Variants in SNX25 observed in about 807,000 individuals in gnomAD.
SNX25 encodes sorting nexin 25.
In SNX25, 62 loss-of-function variants were observed where a neutral mutation model predicts 113.7. The ratio of observed to expected loss-of-function variants is 0.55; its 90% confidence interval spans 0.44 to 0.67. SNX25 has a LOEUF of 0.67. Among genes scored for constraint, SNX25 ranks in the 30% least tolerant of loss-of-function variants. The pLI is 0.00. For missense variants in SNX25, 1,014 were observed against 1,161.0 expected (o/e 0.87, Z 1.84); for synonymous variants, 421 against 436.2 (o/e 0.97, Z 0.43).
chr4:185,218,356 A>G (rs752431243), intron 1 of SNX25, among the ~76,000 whole-genome samples: 6 of 152,242 alleles, frequency 3.9e-5, no homozygotes, highest in Non-Finnish European at 8.8e-5. Context: ...AAGTTCTGGG[A>G]TTACAGGCAT....
chr4:185,248,646 C>G (rs1262552489), intron 2 of SNX25, among the ~76,000 whole-genome samples: 2 of 152,074 alleles, frequency 1.3e-5, no homozygotes, highest in Admixed American at 6.5e-5. Context: ...CAATGAGACT[C>G]TGTCTCAAAA....
chr4:185,336,167 T>TA (rs150125191), intron 10 of SNX25, among the ~76,000 whole-genome samples: 1,911 of 152,344 alleles, frequency 0.013, 41 homozygotes, highest in African/African-American at 0.043. Flanking sequence ...TAGCTACTTC[T>TA]AAAAATTTAT....
intron 10 of SNX25, among the ~76,000 whole-genome samples, chr4:185,337,636 T>C (rs149845675): frequency 3.9e-5 from 6 of 152,332 alleles, no homozygotes; most frequent in Admixed American, 3.9e-4. Flanking sequence ...CTGGGTTCTA[T>C]GCTAATTCTG....
chr4:185,254,628 A>T (rs1173180280), intron 2 of SNX25, among the ~76,000 whole-genome samples: 1 of 152,162 alleles, frequency 6.6e-6, no homozygotes, highest in East Asian at 1.9e-4. Context: ...GAGCCTTTTA[A>T]CTTGTGTCCT....
chr4:185,329,487 C>G (rs1488799111), intron 9 of SNX25, among the ~76,000 whole-genome samples: 2 of 152,134 alleles, frequency 1.3e-5, no homozygotes, highest in African/African-American at 4.8e-5. Flanking sequence ...ACTGGGCATC[C>G]CCAAGATTTC....
chr4:185,289,098 A>T (rs1441538732), intron 6 of SNX25, among the ~76,000 whole-genome samples: 1 of 152,294 alleles, frequency 6.6e-6, no homozygotes, highest in African/African-American at 2.4e-5. Context: ...ATATAGGTAT[A>T]GATTATGAAG....
chr4:185,299,005 C>T (rs574801368), intron 6 of SNX25, among the ~76,000 whole-genome samples: 2 of 152,168 alleles, frequency 1.3e-5, no homozygotes, highest in Admixed American at 6.5e-5. Context: ...TCATGGTCAA[C>T]ACACATGCAA....
rs141518327 is a variant in SNX25, at chr4:185,321,808, T to C, written c.1476+944T>C. On this transcript the variant is annotated intron_variant, in intron 8 of 18. Transcript: ENST00000652585. ...AAAAAAACTGCATCTGTACTGAACA[T>C]GTACAGACCTTTTTCCTTGTCATTA... Among the ~76,000 whole-genome samples the C allele has an allele frequency of 5.4e-3, 824 of 152,276 alleles. 9 individuals are homozygous for C. The highest frequency in any genetic ancestry group is 0.018 in the African/African-American group (754 of 41,560).
At chr4:185,285,921 C>T (rs1281953148) in intron 5 of SNX25, among the ~76,000 whole-genome samples, 5 of 147,486 alleles carry the variant, frequency 3.4e-5, no homozygotes, top group Admixed American at 1.3e-4. Context: ...TACAGGTGTG[C>T]GCCACCATGC....
chr4:185,316,846 G>C (rs760001835), intron 7 of SNX25, among the ~76,000 whole-genome samples: 3 of 152,134 alleles, frequency 2.0e-5, no homozygotes, highest in Non-Finnish European at 2.9e-5. Flanking sequence ...TGTACAGTTA[G>C]GATTTTGTGC....
intron 16 of SNX25, among the ~76,000 whole-genome samples, chr4:185,359,496 G>C (rs1443478531): frequency 2.6e-5 from 4 of 151,972 alleles, no homozygotes; most frequent in Non-Finnish European, 4.4e-5. Context: ...CTTAGATAAA[G>C]AAATTCCCAA....
intron 7 of SNX25, among the ~76,000 whole-genome samples, chr4:185,315,640 C>G (rs1160161698): frequency 6.6e-6 from 1 of 152,130 alleles, no homozygotes; most frequent in Non-Finnish European, 1.5e-5. Context: ...TAATACCAAT[C>G]TTAACCATAC....
At chr4:185,266,648 C>T (rs1156796626) in intron 4 of SNX25, among the ~76,000 whole-genome samples, 1 of 152,132 alleles carries the variant, frequency 6.6e-6, no homozygotes, top group East Asian at 1.9e-4. Flanking sequence ...AGGTGTGAGC[C>T]ACCACGCCCG....
intron 7 of SNX25, 152 bp from the exon 8 acceptor site, chr4:185,320,581 A>G (rs1295547853): frequency 1.9e-6 from 1 of 515,056 alleles, no homozygotes; most frequent in East Asian, 3.4e-5. Context: ...TACTTAAATA[A>G]ATAAATAGTA....
At position 185,333,541 on chromosome 4, in the gene SNX25, A is replaced by G. The variant is rs562107221; in HGVS notation, c.1914+782A>G. Among the ~76,000 whole-genome samples, 11 of 152,340 alleles carry G rather than the reference A, an allele frequency of 7.2e-5. No homozygotes were observed. In the East Asian group the frequency reaches 2.1e-3, roughly 29 times the overall value. On this transcript the variant is annotated intron_variant, in intron 10 of 18. Transcript: ENST00000652585. The stretch of plus-strand genomic sequence containing the variant: ...TATTCCTGAAACAAGATGTAAGAAA[A>G]ACTGGTATCATGAGCCTATCAGCAA...
chr4:185,353,412 T>C, intron 14 of SNX25, 73 bp from the exon 15 acceptor site: 1 of 1,169,506 alleles, frequency 8.6e-7, no homozygotes, highest in Non-Finnish European at 1.3e-6. Context: ...AATTTACACT[T>C]GAAGAGGGAG....
chr4:185,337,840 A>C (rs919304931), intron 10 of SNX25, among the ~76,000 whole-genome samples: 1 of 152,140 alleles, frequency 6.6e-6, no homozygotes, highest in Non-Finnish European at 1.5e-5. Context: ...TTTCATAACC[A>C]TTAGGATAGT....
At chr4:185,327,712 C>A (rs759201596) in intron 9 of SNX25, among the ~76,000 whole-genome samples, 1 of 152,184 alleles carries the variant, frequency 6.6e-6, no homozygotes, top group Non-Finnish European at 1.5e-5. Flanking sequence ...TGTCTGTGGA[C>A]TAGACTGCCT....
At chr4:185,345,891 T>G (rs2095283595) in intron 12 of SNX25, among the ~76,000 whole-genome samples, 1 of 152,118 alleles carries the variant, frequency 6.6e-6, no homozygotes, top group Non-Finnish European at 1.5e-5. Flanking sequence ...TGGGTCTCAC[T>G]CTGTCTCCCA....
Sources: gnomAD v4.1 joint callset for allele counts (sites outside exome capture counted in the v4.1 genomes callset) on GRCh38, gnomAD v4.1.1 for gene constraint, MANE v1.5 for transcripts, NCBI Gene and HGNC (gene_info 2026-07-23, HGNC 2026-07-21) for gene names.